TRANK1: variants seen among roughly 807,000 people sequenced by gnomAD.
TRANK1 encodes the protein tetratricopeptide repeat and ankyrin repeat containing 1.
Under a neutral mutation model 266.0 loss-of-function variants are expected in TRANK1, and 198 were observed. The observed-to-expected ratio is 0.74, with a 90% CI of 0.66 to 0.84. TRANK1 has a LOEUF of 0.84. TRANK1 is among the 40% of genes least tolerant of loss of function. TRANK1 has a pLI of 0.00. For synonymous variants in TRANK1, 1,396 were observed against 1,384.1 expected, an observed-to-expected ratio of 1.01 and a Z score of -0.19; for missense variants, 3,326 against 3,634.6, an observed-to-expected ratio of 0.92 and a Z score of 2.18.
rs1165767262 is a variant in TRANK1 at position 36,892,352 on chromosome 3, A to G, written c.637-12T>C. ...ATGAAAACGTATTTCTGGGGAAAAA[A>G]AACACACAGGACAAATTATGGAAGT... On this transcript the variant is annotated splice_polypyrimidine_tract_variant and intron_variant, in intron 6 of 23. Coordinates refer to ENST00000645898, the MANE Select transcript of TRANK1 (RefSeq NM_001329998.2). 1.3e-6 allele frequency: 2 copies of G among 1,537,034 alleles called. No individual in the cohort carries two copies. The highest frequency in any genetic ancestry group is 1.7e-6 in the Non-Finnish European group (2 of 1,146,858).
In TRANK1 at chr3:36,879,879, T is replaced by C. The variant is rs1430258114; in HGVS notation, c.908-5583A>G. On this transcript the variant is annotated intron_variant, in intron 8 of 23. Coordinates refer to ENST00000645898, the MANE Select transcript of TRANK1 (RefSeq NM_001329998.2). ...ATACAAATATATGTAAACATACAAA[T>C]ATATGTAAACATGCAAATATATGTA... 2.0e-5 allele frequency among the ~76,000 whole-genome samples: 2 copies of C among 99,478 alleles called. 1 individual carries two copies. The highest frequency in any genetic ancestry group is 3.6e-5 in the Non-Finnish European group (2 of 55,316). The allele number at this position is 99,478 out of a possible 152,430, so 65.3% of individuals were successfully genotyped here. A position where few individuals can be genotyped will look rare whatever the true frequency, so the allele number is the denominator to read the frequency against.
chr3:36,854,236 T>C (rs1252519258), intron 13 of TRANK1, among the ~76,000 whole-genome samples: 16 of 152,026 alleles, frequency 1.1e-4, no homozygotes, highest in Non-Finnish European at 2.9e-5. Context: ...GGCAGGCGCC[T>C]GTAGTCCCAG....
chr3:36,910,617 G>A (rs540485608), intron 1 of TRANK1, among the ~76,000 whole-genome samples: 1 of 152,168 alleles, frequency 6.6e-6, no homozygotes, highest in Admixed American at 6.5e-5. Context: ...GCACGCACCT[G>A]TAATCCCAGC....
At chr3:36,852,799 A>G (rs13084330) in intron 13 of TRANK1, among the ~76,000 whole-genome samples, 3 of 138,278 alleles carry the variant, frequency 2.2e-5, no homozygotes, top group Non-Finnish European at 4.7e-5. Flanking sequence ...AAAAAAAAAA[A>G]CAATGAGAGC....
intron 1 of TRANK1, among the ~76,000 whole-genome samples, chr3:36,943,795 A>G (rs962054446): frequency 2.6e-5 from 4 of 152,070 alleles, no homozygotes; most frequent in African/African-American, 7.2e-5. Flanking sequence ...CTTCCCGCAT[A>G]AGGACTAACT....
chr3:36,843,374 C>G (rs1249279938), intron 17 of TRANK1, among the ~76,000 whole-genome samples: 1 of 152,120 alleles, frequency 6.6e-6, no homozygotes, highest in Non-Finnish European at 1.5e-5. Context: ...TCAAGTGGCT[C>G]TTAGCAAGCT....
At chr3:36,929,982 C>G (rs1028236940) in intron 1 of TRANK1, among the ~76,000 whole-genome samples, 1 of 152,114 alleles carries the variant, frequency 6.6e-6, no homozygotes, top group Non-Finnish European at 1.5e-5. Context: ...TCTCAGCTCA[C>G]TACAACCTCA....
In TRANK1 at chr3:36,857,458, T is replaced by C. The variant is rs536637211; in HGVS notation, c.2264A>G (p.Gln755Arg). ...VDPSFPEDCL[Q>R]SSEPLEAGAG... ...TCCTGCCTCCAGAGGCTCAGAGCTC[T>C]GAAGACAGTCCTCTGGGAAAGACGG... is the stretch of plus-strand genomic sequence containing the variant. The change falls in exon 13 of 24, where the codon CAG (glutamine) becomes CGG (arginine). Residue 755 changes from glutamine to arginine, a missense_variant. Physicochemically the swap from Gln to Arg is conservative, Grantham distance 43. Transcript: ENST00000645898. This position sits in a 1 kb window ranked among gnomAD's most constrained non-coding sequence, Gnocchi z 4.3. The C allele has an allele frequency of 1.3e-5, 21 of 1,614,012 alleles. No homozygotes were observed. The East Asian group carries it at 2.0e-4, about 15-fold the overall frequency.
intron 8 of TRANK1, among the ~76,000 whole-genome samples, chr3:36,884,239 T>TA: frequency 6.6e-6 from 1 of 152,228 alleles, no homozygotes; most frequent in East Asian, 1.9e-4. Context: ...ATGTATGTCC[T>TA]AGCTCTTATC....
intron 3 of TRANK1, among the ~76,000 whole-genome samples, chr3:36,900,257 A>C (rs746772667): frequency 6.6e-6 from 1 of 152,214 alleles, no homozygotes; most frequent in Non-Finnish European, 1.5e-5. Flanking sequence ...GTTCAGGAAA[A>C]GAATGAGATT....
intron 20 of TRANK1, among the ~76,000 whole-genome samples, chr3:36,837,011 G>C (rs1055398315): frequency 6.6e-6 from 1 of 152,168 alleles, no homozygotes; most frequent in Admixed American, 6.5e-5. Context: ...CTACTGATCT[G>C]GCCCTGCCAC....
chr3:36,832,440 T>C lies in TRANK1; in HGVS notation c.7143A>G (p.Lys2381=), dbSNP rs1346326261. The change falls in exon 22 of 24, where the codon AAA becomes AAG. Residue 2381 remains lysine (K), a synonymous_variant. Coordinates refer to ENST00000645898, the MANE Select transcript of TRANK1 (RefSeq NM_001329998.2). The stretch of plus-strand genomic sequence containing the variant: ...GCATGCCAAATTTCCCTTCTATTCC[T>C]TTTATCCTGCTGCCTCTCCCCCTGC... ...ERGRGRGSRI[K]GIEGKFGMLA... 6.2e-7 allele frequency: 1 copy of C among 1,613,878 alleles called. No individual in the cohort carries two copies. The highest frequency in any genetic ancestry group is 8.5e-7 in the Non-Finnish European group (1 of 1,179,900).
intron 4 of TRANK1, 137 bp from the exon 5 acceptor site, chr3:36,895,895 G>A: frequency 1.7e-6 from 1 of 575,472 alleles, no homozygotes; most frequent in Non-Finnish European, 3.0e-6. Flanking sequence ...TTTCAAAGTA[G>A]TATGAAGTCC....
intron 15 of TRANK1, among the ~76,000 whole-genome samples, chr3:36,849,728 C>CT (rs2078962428): frequency 6.6e-6 from 1 of 152,200 alleles, no homozygotes; most frequent in Non-Finnish European, 1.5e-5. Flanking sequence ...CTTTCCTCTC[C>CT]TTTTATGAAA....
chr3:36,928,465 C>T (rs1032968407), intron 1 of TRANK1, among the ~76,000 whole-genome samples: 13 of 152,176 alleles, frequency 8.5e-5, no homozygotes, highest in Admixed American at 3.9e-4. Flanking sequence ...TCAAAAGATG[C>T]TTTTCATTAA....
intron 13 of TRANK1, 130 bp from the exon 14 acceptor site, chr3:36,852,475 G>A (rs979456945): frequency 1.3e-5 from 10 of 769,990 alleles, no homozygotes; most frequent in Middle Eastern, 3.8e-4. Flanking sequence ...TTGCAAGCCC[G>A]TTTTCAGTTC....
rs1451794716 is a variant in TRANK1 at position 36,855,829 on chromosome 3, T to A, written c.3893A>T (p.Asp1298Val). The stretch of plus-strand genomic sequence containing the variant: ...TTTATCCTCCTCACTGTAGTCCCCA[T>A]CCACCTCAGCCTCCTCTTCATCCTC... ...WQEDEEEAEV[D>V]GDYSEEDKAV... The change falls in exon 13 of 24, where the codon GAT (aspartate) becomes GTT (valine). Residue 1298 changes from aspartate to valine, a missense_variant. Asp to Val is a radical substitution (Grantham distance 152). Transcript: ENST00000645898. 7 of 1,613,652 alleles carry A rather than the reference T, an allele frequency of 4.3e-6. No individual in the cohort carries two copies. Among genetic ancestry groups the A allele is most frequent in the Middle Eastern group, 1.6e-4 (1 of 6,062 alleles).
At position 36,864,475 on chromosome 3, in the gene TRANK1, T is replaced by C. The variant is rs2079186485; in HGVS notation, c.1084A>G (p.Ser362Gly). The change falls in exon 10 of 24, where the codon AGC (serine) becomes GGC (glycine). Residue 362 changes from serine to glycine, a missense_variant. Physicochemically the swap from Ser to Gly is moderately conservative, Grantham distance 56 (BLOSUM62 0). Transcript: ENST00000645898. ...TCACTAGTGGGTCCATCACCATTGC[T>C]GAATCCTACAAAACAGCACCAGGTA... ...ATCSKDLSGF[S>G]NGDGPTSEND... 6.5e-7 allele frequency: 1 copy of C among 1,527,456 alleles called. No individual in the cohort carries two copies. The highest frequency in any genetic ancestry group is 1.4e-5 in the African/African-American group (1 of 72,608). The allele number at this position is 1,527,456 out of a possible 1,614,324, so 94.6% of individuals were successfully genotyped here.
chr3:36,902,641 C>G (rs1162814583), intron 3 of TRANK1, among the ~76,000 whole-genome samples: 1 of 152,204 alleles, frequency 6.6e-6, no homozygotes, highest in Non-Finnish European at 1.5e-5. Context: ...ACTCCATGAT[C>G]TCTCTGAAGA....
Sources: gnomAD v4.1 joint callset for allele counts (sites outside exome capture counted in the v4.1 genomes callset) on GRCh38, gnomAD v4.1.1 for gene constraint, Gnocchi (gnomAD v3.1) non-coding constraint, MANE v1.5 for transcripts, NCBI Gene and HGNC (gene_info 2026-07-23, HGNC 2026-07-21) for gene names.